Variants in NAV2 observed in about 807,000 individuals in gnomAD.
NAV2 encodes the protein helicase, APC down-regulated 1.
A neutral mutation model predicts 223.2 loss-of-function variants in NAV2; 54 were observed. That is an observed-to-expected ratio of 0.24 (90% confidence interval 0.19 to 0.30). The LOEUF (loss-of-function observed/expected upper bound fraction) is 0.30, where lower values mean the gene tolerates loss of function less well. Among genes scored for constraint, NAV2 ranks in the 10% least tolerant of loss-of-function variants. NAV2 has a pLI of 1.00. For missense variants in NAV2, 2,806 were observed against 3,147.5 expected, an observed-to-expected ratio of 0.89 and a Z score of 2.60; for synonymous variants, 1,279 against 1,239.3, an observed-to-expected ratio of 1.03 and a Z score of -0.67.
chr11:19,795,718 G>A (rs1032299379), intron 1 of NAV2, among the ~76,000 whole-genome samples: 12 of 152,206 alleles, frequency 7.9e-5, no homozygotes, highest in Non-Finnish European at 1.6e-4. Flanking sequence ...TCTAAACTTC[G>A]TGATAAATTT....
At chr11:19,935,861 T>G (rs1206582664) in intron 7 of NAV2, among the ~76,000 whole-genome samples, 3 of 111,004 alleles carry the variant, frequency 2.7e-5, no homozygotes, top group African/African-American at 9.8e-5. Flanking sequence ...GTTTTTTTTT[T>G]TTTTTTTTTT....
chr11:20,102,006 C>T (rs2061674672), intron 32 of NAV2, among the ~76,000 whole-genome samples: 1 of 152,160 alleles, frequency 6.6e-6, no homozygotes, highest in South Asian at 2.1e-4. Flanking sequence ...TCTTGATGAC[C>T]TATTTCACTA....
chr11:19,427,021 T>G (rs1027167669), intron 1 of NAV2, among the ~76,000 whole-genome samples: 1 of 151,986 alleles, frequency 6.6e-6, no homozygotes, highest in African/African-American at 2.4e-5. Context: ...GGCACCCTGC[T>G]ACAGTGTGAC....
chr11:19,409,200 T>A (rs1850036575), intron 1 of NAV2, among the ~76,000 whole-genome samples: 1 of 152,126 alleles, frequency 6.6e-6, no homozygotes. Context: ...GTGGATTTAT[T>A]CTGAAAATGC....
intron 6 of NAV2, among the ~76,000 whole-genome samples, chr11:19,903,992 A>G (rs1379953647): frequency 6.6e-6 from 1 of 152,204 alleles, no homozygotes; most frequent in Admixed American, 6.5e-5. Flanking sequence ...TGGTCTTCAC[A>G]AAGCCGTCCA....
At chr11:19,629,264 T>C (rs2047270712) in intron 1 of NAV2, among the ~76,000 whole-genome samples, 2 of 151,930 alleles carry the variant, frequency 1.3e-5, no homozygotes, top group African/African-American at 2.4e-5. Context: ...GACCAAAATA[T>C]CATTTTAGGC....
chr11:19,363,333 A>G lies in NAV2; in HGVS notation c.75+12306A>G, dbSNP rs1205523519. On this transcript the variant is annotated intron_variant, in intron 1 of 37. Transcript: ENST00000360655. ...AACTCATCCTTTTTTATGGCTGCAT[A>G]GTATTCCATGGTGTACATGTGCCAC... Among the ~76,000 whole-genome samples the G allele has an allele frequency of 2.6e-5, 4 of 152,188 alleles. 1 individual carries two copies. Among genetic ancestry groups the G allele is most frequent in the Admixed American group, 1.3e-4 (2 of 15,280 alleles).
chr11:19,559,993 C>T (rs183421364), intron 1 of NAV2, among the ~76,000 whole-genome samples: 147 of 152,330 alleles, frequency 9.7e-4, no homozygotes, highest in Admixed American at 3.1e-3. Context: ...ATTCCCCTCA[C>T]GTGCCTGCTT....
intron 1 of NAV2, among the ~76,000 whole-genome samples, chr11:19,680,276 C>G (rs1041729870): frequency 1.1e-4 from 16 of 152,314 alleles, no homozygotes; most frequent in African/African-American, 3.6e-4. Context: ...GCAGTGCTGG[C>G]TTCTGTCCTG....
At chr11:19,999,116 G>A (rs2052271288) in intron 11 of NAV2, among the ~76,000 whole-genome samples, 1 of 152,218 alleles carries the variant, frequency 6.6e-6, no homozygotes, top group African/African-American at 2.4e-5. Context: ...CCAGAATAGG[G>A]CACTAGCCAA....
At chr11:19,377,583 T>C (rs973649209) in intron 1 of NAV2, among the ~76,000 whole-genome samples, 1 of 152,184 alleles carries the variant, frequency 6.6e-6, no homozygotes, top group African/African-American at 2.4e-5. Flanking sequence ...TATGCAGCAC[T>C]GTGCTGAGCA....
chr11:19,474,581 T>C (rs1304401404), intron 1 of NAV2, among the ~76,000 whole-genome samples: 1 of 152,208 alleles, frequency 6.6e-6, no homozygotes, highest in Non-Finnish European at 1.5e-5. Flanking sequence ...CTTTTAAGTG[T>C]AGCAATGGAG....
chr11:19,836,506 G>C (rs955566901), intron 2 of NAV2, among the ~76,000 whole-genome samples: 1 of 149,756 alleles, frequency 6.7e-6, no homozygotes, highest in Non-Finnish European at 1.5e-5. Context: ...GCAGTGAGCC[G>C]AGATTGCGCC....
chr11:19,837,652 A>G (rs2060303015), intron 2 of NAV2, among the ~76,000 whole-genome samples: 1 of 152,100 alleles, frequency 6.6e-6, no homozygotes. Context: ...TCTCAGACAA[A>G]CCCAAATTGT....
chr11:19,390,786 A>T (rs1279808095), intron 1 of NAV2, among the ~76,000 whole-genome samples: 1 of 152,170 alleles, frequency 6.6e-6, no homozygotes, highest in Admixed American at 6.5e-5. Context: ...CTGGAAGATC[A>T]GGGGAAGAAG....
At chr11:19,382,044 T>C (rs898420634) in intron 1 of NAV2, among the ~76,000 whole-genome samples, 9 of 152,138 alleles carry the variant, frequency 5.9e-5, no homozygotes, top group African/African-American at 2.2e-4. Context: ...CAGGTGGGAA[T>C]GCTGCTGGAA....
chr11:19,396,862 C>T (rs1363514560), intron 1 of NAV2, among the ~76,000 whole-genome samples: 8 of 152,164 alleles, frequency 5.3e-5, no homozygotes, highest in Admixed American at 3.9e-4. Context: ...ATACATGCTA[C>T]CAGGCAAGGC....
At chr11:19,566,499 T>C (rs1281217674) in intron 1 of NAV2, among the ~76,000 whole-genome samples, 1 of 152,254 alleles carries the variant, frequency 6.6e-6, no homozygotes, top group Non-Finnish European at 1.5e-5. Flanking sequence ...AGGTGATCCA[T>C]AAACTTGAGG....
chr11:19,738,133 G>A (rs1036343735), intron 1 of NAV2, among the ~76,000 whole-genome samples: 31 of 152,246 alleles, frequency 2.0e-4, no homozygotes, highest in African/African-American at 7.2e-4. Flanking sequence ...CCCTGACATG[G>A]CATGCAGAAA....
Sources: allele counts gnomAD v4.1 joint callset (sites outside exome capture counted in the v4.1 genomes callset), GRCh38; gene constraint gnomAD v4.1.1; transcripts MANE v1.5; gene names NCBI Gene and HGNC (gene_info 2026-07-23, HGNC 2026-07-21).